Variants in ZNF799 observed in about 807,000 individuals in gnomAD.
ZNF799 encodes zinc finger protein 799, also known as zinc finger protein 14.
ZNF799 carries 28 observed loss-of-function variants against 41.0 expected under a neutral mutation model. The observed-to-expected ratio is 0.68, with a 90% confidence interval of 0.51 to 0.94. The LOEUF is 0.94. Among genes scored for constraint, ZNF799 ranks in the 40% least tolerant of loss-of-function variants. The pLI, the probability that ZNF799 is intolerant of heterozygous loss-of-function variation, is 0.00. For synonymous variants in ZNF799, 213 were observed against 252.9 expected (o/e 0.84, Z 1.50); for missense variants, 716 against 764.3 (o/e 0.94, Z 0.74).
chr19:12,413,413 A>G, the ZNF799 span, among the ~76,000 whole-genome samples: 1 of 152,232 alleles, frequency 6.6e-6, no homozygotes, highest in Non-Finnish European at 1.5e-5. Context: ...AAATTTGACC[A>G]GTAAACCTAC....
chr19:12,409,469 C>G, the ZNF799 span, among the ~76,000 whole-genome samples: 64,770 of 152,028 alleles, frequency 0.43, 15,024 homozygotes, highest in Non-Finnish European at 0.52. Flanking sequence ...AACAATTCCC[C>G]TCTATCAATA....
the ZNF799 span, among the ~76,000 whole-genome samples, chr19:12,414,140 G>C: frequency 6.6e-6 from 1 of 151,870 alleles, no homozygotes; most frequent in Non-Finnish European, 1.5e-5. Flanking sequence ...CCTCCTCGCG[G>C]CAGCTCCCTT....
chr19:12,406,245 C>T (rs1437628386), upstream of ZNF799, among the ~76,000 whole-genome samples: 2 of 150,282 alleles, frequency 1.3e-5, no homozygotes, highest in East Asian at 3.9e-4. Context: ...TTTGGGAAGC[C>T]GAGGCAGGCG....
At position 12,393,400 on chromosome 19, in the gene ZNF799, C is replaced by T. The variant is rs1304153194; in HGVS notation, c.27G>A (p.Val9=). Residue 9 remains valine (V), a synonymous_variant, in exon 2 of 4, where the codon GTG becomes GTA. Coordinates refer to ENST00000430385, the MANE Select transcript of ZNF799 (RefSeq NM_001080821.3). ...ACTCTTCTCGGGTGAAGTTCACAGC[C>T]ACATCCTCTAAAGCCACTGAGGCCT... is the stretch of plus-strand genomic sequence containing the variant. MASVALED[V]AVNFTREEWA... The T allele has an allele frequency of 8.0e-7, 1 of 1,251,124 alleles. No individual in the cohort carries two copies. The highest frequency in any genetic ancestry group is 2.3e-5 in the East Asian group (1 of 43,730). The allele number at this position is 1,251,124 out of a possible 1,614,324, so 77.5% of individuals were successfully genotyped here.
At chr19:12,394,904 T>G (rs528389648) in intron 1 of ZNF799, 1 of 976,696 alleles carries the variant, frequency 1.0e-6, no homozygotes, top group Admixed American at 6.2e-5. Flanking sequence ...AACAGAGAGA[T>G]AAATATATAT....
chr19:12,408,007 A>G, the ZNF799 span, among the ~76,000 whole-genome samples: 1 of 152,070 alleles, frequency 6.6e-6, no homozygotes, highest in African/African-American at 2.4e-5. Flanking sequence ...AATTTTAAAA[A>G]TATCTTGGGC....
In ZNF799 at chr19:12,401,060, A is replaced by G. The variant is rs898130019; in HGVS notation, c.3+8T>C. 7.4e-6 allele frequency: 12 copies of G among 1,613,848 alleles called. No individual in the cohort carries two copies. The African/African-American group carries it at 1.5e-4, about 20-fold the overall frequency. On this transcript the variant is annotated splice_region_variant and intron_variant, in intron 1 of 3. Coordinates refer to ENST00000430385, the MANE Select transcript of ZNF799 (RefSeq NM_001080821.3). ...CCCCGCCTCGGGACGCCGGCCCAGC[A>G]CACGCACCATTTCCCGACTTCCGCG...
chr19:12,392,485 T>C, intron 3 of ZNF799, 118 bp downstream of exon 3: 1 of 1,039,184 alleles, frequency 9.6e-7, no homozygotes, highest in African/African-American at 1.6e-5. Context: ...GGAGAAAATT[T>C]TCTAAGAATA....
upstream of ZNF799, among the ~76,000 whole-genome samples, chr19:12,406,178 A>G (rs1463711812): frequency 1.3e-5 from 2 of 150,416 alleles, no homozygotes; most frequent in Admixed American, 6.6e-5. Flanking sequence ...CAAAAAAAAA[A>G]AAAAAAAGAA....
At chr19:12,404,425 C>CTTTTAT (rs1169784469), upstream of ZNF799, among the ~76,000 whole-genome samples, 696 of 149,696 alleles carry the variant, frequency 4.6e-3, 9 homozygotes, top group African/African-American at 0.017. Flanking sequence ...GTCTCTCTCT[C>CTTTTAT]TTTTATTTTT....
chr19:12,409,622 T>C, the ZNF799 span, among the ~76,000 whole-genome samples: 2 of 152,194 alleles, frequency 1.3e-5, no homozygotes, highest in Non-Finnish European at 2.9e-5. Context: ...ACATAACATA[T>C]TCACCAGGAT....
upstream of ZNF799, among the ~76,000 whole-genome samples, chr19:12,401,829 CT>C (rs1297648668): frequency 5.9e-5 from 9 of 152,070 alleles, no homozygotes; most frequent in Non-Finnish European, 1.5e-5. Flanking sequence ...CCACCTTGGC[CT>C]CCCAAAGTTC....
chr19:12,400,162 C>T (rs1385612548), intron 1 of ZNF799, among the ~76,000 whole-genome samples: 2 of 152,086 alleles, frequency 1.3e-5, no homozygotes, highest in Admixed American at 6.6e-5. Context: ...GATTTGAGAC[C>T]CTGCTAACCA....
rs374263461 is a variant in ZNF799, at chr19:12,390,906, G to C, written c.1492C>G (p.His498Asp). 11 of 1,614,020 alleles carry C rather than the reference G, an allele frequency of 6.8e-6. No homozygotes were observed. The African/African-American group carries it at 9.3e-5, about 14-fold the overall frequency. The change falls in exon 4 of 4, where the codon CAC (histidine) becomes GAC (aspartate). Residue 498 changes from histidine to aspartate, a missense_variant. His to Asp is a moderately conservative substitution (Grantham distance 81, BLOSUM62 -1). Around this residue, in one of 2 missense-constraint regions of ZNF799, gnomAD observed 698 missense variants for 713.6 expected, o/e 0.98. Coordinates refer to ENST00000430385, the MANE Select transcript of ZNF799 (RefSeq NM_001080821.3). ...CACTCATAAGGTTTCTCTCCTGTGT[G>C]AGTCCTTCTATGTTGAGAAAGGTAT... ...FQYLSQHRRTHTGEKPYECNT... is the reference protein window; with the variant it reads ...FQYLSQHRRTDTGEKPYECNT...
intron 1 of ZNF799, chr19:12,394,427 T>C (rs1969866845): frequency 4.5e-6 from 1 of 222,956 alleles, no homozygotes; most frequent in African/African-American, 2.3e-5. Flanking sequence ...AGAAACACTC[T>C]GGGCATTGGG....
At chr19:12,404,577 C>T (rs1322824349), upstream of ZNF799, among the ~76,000 whole-genome samples, 2 of 152,182 alleles carry the variant, frequency 1.3e-5, no homozygotes, top group African/African-American at 4.8e-5. Context: ...GCGTGAGCCA[C>T]CATGCCCGGC....
intron 1 of ZNF799, among the ~76,000 whole-genome samples, chr19:12,399,785 A>C (rs1346152430): frequency 6.6e-6 from 1 of 151,662 alleles, no homozygotes; most frequent in Non-Finnish European, 1.5e-5. Context: ...CTGCGACTAC[A>C]GGTGCCAGCT....
chr19:12,397,621 T>A (rs1209379675), intron 1 of ZNF799, among the ~76,000 whole-genome samples: 6 of 142,344 alleles, frequency 4.2e-5, no homozygotes, highest in Non-Finnish European at 7.7e-5. Context: ...AGACTTACCA[T>A]ACTATTAGAA....
rs1440652935 is a variant in ZNF799 at position 12,390,480 on chromosome 19, T to C, written c.1918A>G (p.Lys640Glu). Reference sequence around the variant, plus strand: ...TAGAGAGAATGCTAGTGAGTCTTTTTATGTCTATGCAAGGAACTGAGAGAA... The same window carrying C: ...TAGAGAGAATGCTAGTGAGTCTTTTCATGTCTATGCAAGGAACTGAGAGAA... ...FASLSSLHRH[K>E]KTH Residue 640 changes from lysine (K) to glutamate (E), a missense_variant, in exon 4 of 4, where the codon AAA becomes GAA. Physicochemically the swap from Lys to Glu is moderately conservative, Grantham distance 56 (BLOSUM62 1). Transcript: ENST00000430385. 6.2e-6 allele frequency: 10 copies of C among 1,613,868 alleles called. No individual in the cohort carries two copies. The highest frequency in any genetic ancestry group is 1.7e-5 in the Admixed American group (1 of 59,994).
Sources: allele counts gnomAD v4.1 joint callset (sites outside exome capture counted in the v4.1 genomes callset), GRCh38; gene constraint gnomAD v4.1.1; regional missense constraint gnomAD v4.1.1; transcripts MANE v1.5; gene names NCBI Gene and HGNC (gene_info 2026-07-23, HGNC 2026-07-21).